The following NFATC1 variants were observed in gnomAD, a reference collection of about 807,000 sequenced individuals.
The protein encoded by NFATC1 is nuclear factor of activated T-cells, cytoplasmic 1.
A neutral mutation model predicts 76.0 loss-of-function variants in NFATC1; 22 were observed. The ratio of observed to expected loss-of-function variants is 0.29; its 90% confidence interval spans 0.21 to 0.41. The LOEUF (loss-of-function observed/expected upper bound fraction) is 0.41. NFATC1 is among the 10% of genes least tolerant of loss of function. The pLI is 1.00. For missense variants in NFATC1, 1,357 were observed against 1,337.7 expected, an observed-to-expected ratio of 1.01 and a Z score of -0.23; for synonymous variants, 704 against 613.1, an observed-to-expected ratio of 1.15 and a Z score of -2.19.
At chr18:79,441,244 AG>A (rs1398388597) in intron 3 of NFATC1, among the ~76,000 whole-genome samples, 1 of 152,270 alleles carries the variant, frequency 6.6e-6, no homozygotes, top group East Asian at 1.9e-4. Context: ...AAGGAGGGGC[AG>A]GGGTGCTGCT....
intron 1 of NFATC1, chr18:79,400,196 T>C: frequency 8.5e-7 from 1 of 1,174,522 alleles, no homozygotes; most frequent in Non-Finnish European, 1.0e-6. Context: ...GGGGAGTTTA[T>C]TTAAAACTCG....
At chr18:79,527,265 C>T in intron 9 of NFATC1, 2 of 420,980 alleles carry the variant, frequency 4.8e-6, no homozygotes, top group East Asian at 7.9e-5. Context: ...CACCTGGCAC[C>T]TGCACTTTGG....
At chr18:79,516,175 G>A (rs1161973148) in intron 9 of NFATC1, 1 of 152,152 alleles carries the variant, frequency 6.6e-6, no homozygotes, top group East Asian at 1.9e-4. Context: ...GACGTCCCGA[G>A]TGGCGGTCCC....
At chr18:79,517,424 G>A (rs1456695509) in intron 9 of NFATC1, among the ~76,000 whole-genome samples, 2 of 152,192 alleles carry the variant, frequency 1.3e-5, no homozygotes, top group African/African-American at 4.8e-5. Flanking sequence ...AGTAAGCTGG[G>A]GACAATTGCG....
At position 79,451,768 on chromosome 18, in the gene NFATC1, C is replaced by T; in HGVS notation, c.1855C>T (p.His619Tyr). The T allele has an allele frequency of 6.2e-7, 1 of 1,613,018 alleles. No individual in the cohort carries two copies. The highest frequency in any genetic ancestry group is 8.5e-7 in the Non-Finnish European group (1 of 1,179,598). Residue 619 changes from histidine (H) to tyrosine (Y), a missense_variant, in exon 6 of 10, where the codon CAC becomes TAC. Around this residue, in one of 3 missense-constraint regions of NFATC1, gnomAD observed 242 missense variants for 329.2 expected, o/e 0.74. Coordinates refer to ENST00000427363, the MANE Select transcript of NFATC1 (RefSeq NM_001278669.2). ...VGGKKMVLSG[H>Y]NFLQDSKVIF... ...CGGGAAGAAGATGGTCCTGTCTGGC[C>T]ACAACTTCCTGCAGGACTCCAAGGT...
intron 8 of NFATC1, among the ~76,000 whole-genome samples, chr18:79,478,819 C>T (rs890923369): frequency 1.2e-4 from 18 of 152,228 alleles, no homozygotes; most frequent in African/African-American, 4.3e-4. Flanking sequence ...TCTGCAGCGG[C>T]ATCAGAGAGA....
intron 9 of NFATC1, among the ~76,000 whole-genome samples, chr18:79,489,797 G>C (rs558559108): frequency 6.6e-6 from 1 of 152,254 alleles, no homozygotes; most frequent in African/African-American, 2.4e-5. Context: ...CCTGCACACT[G>C]TTCTGGTCAC....
At chr18:79,444,529 T>C (rs1204849208) in intron 3 of NFATC1, among the ~76,000 whole-genome samples, 1 of 151,866 alleles carries the variant, frequency 6.6e-6, no homozygotes, top group African/African-American at 2.4e-5. Flanking sequence ...TCAGGCCCTT[T>C]CCCGCATCTG....
chr18:79,482,011 T>C (rs382089), intron 8 of NFATC1, among the ~76,000 whole-genome samples: 88,966 of 124,670 alleles, frequency 0.71, 31,759 homozygotes, highest in Middle Eastern at 0.77. Context: ...GTCATTCCAG[T>C]GTGACCTGGT....
chr18:79,509,289 G>A (rs372741), intron 9 of NFATC1, among the ~76,000 whole-genome samples: 82,837 of 152,114 alleles, frequency 0.54, 25,982 homozygotes, highest in Non-Finnish European at 0.71. Context: ...GATGTCCACC[G>A]CGCCTGCCGG....
chr18:79,434,207 G>A (rs1248221075), intron 3 of NFATC1, among the ~76,000 whole-genome samples: 1 of 152,246 alleles, frequency 6.6e-6, no homozygotes, highest in African/African-American at 2.4e-5. Context: ...GAGAGGAGGA[G>A]TGGCTTCCAG....
intron 1 of NFATC1, among the ~76,000 whole-genome samples, chr18:79,404,284 G>C (rs1473656135): frequency 1.3e-5 from 2 of 152,186 alleles, no homozygotes; most frequent in Admixed American, 1.3e-4. Context: ...CCGTTTGTTT[G>C]CGCTGTGACG....
At chr18:79,449,551 C>T (rs1274469629) in intron 4 of NFATC1, among the ~76,000 whole-genome samples, 1 of 152,260 alleles carries the variant, frequency 6.6e-6, no homozygotes, top group African/African-American at 2.4e-5. Flanking sequence ...AGGAGGACTG[C>T]TGGTTCCCGA....
chr18:79,511,390 C>T (rs1332208609), intron 9 of NFATC1, among the ~76,000 whole-genome samples: 1 of 152,182 alleles, frequency 6.6e-6, no homozygotes, highest in Non-Finnish European at 1.5e-5. Flanking sequence ...TCCGTACCTC[C>T]GTGACTTTTC....
intron 9 of NFATC1, among the ~76,000 whole-genome samples, chr18:79,515,023 AACAG>A (rs1476551141): frequency 1.4e-4 from 21 of 152,116 alleles, no homozygotes; most frequent in Admixed American, 7.2e-4. Flanking sequence ...CAGCCTGGGC[AACAG>A]ACAGAGCAAG....
At chr18:79,408,869 T>C (rs1225569017) in intron 1 of NFATC1, among the ~76,000 whole-genome samples, 1 of 147,024 alleles carries the variant, frequency 6.8e-6, no homozygotes, top group Non-Finnish European at 1.5e-5. Context: ...AAACCATTAT[T>C]CCTCCATTCC....
chr18:79,468,059 G>A (rs766499752), intron 8 of NFATC1: 37 of 911,648 alleles, frequency 4.1e-5, no homozygotes, highest in Middle Eastern at 5.6e-4. Context: ...GGACGTCCCC[G>A]AGACACTTCT....
intron 8 of NFATC1, among the ~76,000 whole-genome samples, chr18:79,474,279 C>T (rs1470747845): frequency 6.2e-5 from 8 of 129,164 alleles, no homozygotes; most frequent in African/African-American, 1.3e-4. Flanking sequence ...CTGAGGGAAG[C>T]GTGTTCTCAC....
chr18:79,412,881 C>G (rs933591371), intron 2 of NFATC1, among the ~76,000 whole-genome samples: 2 of 152,214 alleles, frequency 1.3e-5, no homozygotes, highest in Non-Finnish European at 2.9e-5. Flanking sequence ...ACCTTTCTAT[C>G]CCAACTTCTG....
Sources: allele counts gnomAD v4.1 joint callset (sites outside exome capture counted in the v4.1 genomes callset), GRCh38; gene constraint gnomAD v4.1.1; regional missense constraint gnomAD v4.1.1; transcripts MANE v1.5; gene names NCBI Gene and HGNC (gene_info 2026-07-23, HGNC 2026-07-21).